The following DNAH10 variants were observed in gnomAD, a reference collection of about 807,000 sequenced individuals.
DNAH10 encodes axonemal beta dynein heavy chain 10.
DNAH10 carries 348 observed loss-of-function variants against 506.6 expected under a neutral mutation model. That is an observed-to-expected ratio of 0.69 (90% confidence interval 0.63 to 0.75). The LOEUF is 0.75. DNAH10 is among the 30% of genes least tolerant of loss of function. DNAH10 has a pLI of 0.00. For synonymous variants in DNAH10, 2,059 were observed against 2,198.6 expected (o/e 0.94, Z 1.78); for missense variants, 5,179 against 5,787.1 (o/e 0.89, Z 3.41).
Position 123,925,105 on chromosome 12 carries a change from A to T in DNAH10, c.11822A>T (p.Asn3941Ile), listed in dbSNP as rs769149268. The change falls in exon 68 of 79, where the codon AAC becomes ATC. Residue 3941 changes from asparagine to isoleucine, a missense_variant. Transcript: ENST00000673944. This position sits in a 1 kb window ranked among gnomAD's most constrained non-coding sequence, Gnocchi z 4.0. ...CCCGTCCCCTTGGGTTACGATAACA[A>T]CATCACCCCTTTCCAGAAGTTGCTT... is the stretch of plus-strand genomic sequence containing the variant. ...QFPVPLGYDN[N>I]ITPFQKLLIL... The T allele has an allele frequency of 3.7e-6, 6 of 1,613,936 alleles. No individual in the cohort carries two copies. The African/African-American group carries it at 5.3e-5, about 14-fold the overall frequency.
intron 45 of DNAH10, among the ~76,000 whole-genome samples, chr12:123,872,274 C>T (rs1337669849): frequency 2.0e-5 from 3 of 152,134 alleles, no homozygotes. Flanking sequence ...TGATAGTGAA[C>T]AAGCTGTCAA....
rs112508576 is a variant in DNAH10 at position 123,841,175 on chromosome 12, T to C, written c.5137-147T>C. 1.7e-4 allele frequency: 132 copies of C among 769,994 alleles called. No homozygotes were observed. In the African/African-American group the frequency reaches 2.0e-3, roughly 11 times the overall value. 47.7% of individuals were successfully genotyped at this position (769,994 alleles called of 1,614,324 possible). A position where few individuals can be genotyped will look rare whatever the true frequency, so the allele number is the denominator to read the frequency against. ...TCTTTGGGATGACCACACAGGTGGG[T>C]GAACGACATCCATCTTGCCTGCGAT... On this transcript the variant is annotated intron_variant, in intron 29 of 78. Coordinates refer to ENST00000673944, the MANE Select transcript of DNAH10 (RefSeq NM_001372106.1).
rs749782481 is a variant in DNAH10, at chr12:123,826,897, A to G, written c.4390A>G (p.Arg1464Gly). ...LDLKNEALRD[R>G]HWKELMEKTS... ...CTTGAAAAACGAGGCACTAAGAGAC[A>G]GGTTTGTTTTGTCCTCTGTCCGCAG... The change falls in exon 25 of 79, where the codon AGG (arginine) becomes GGG (glycine). Residue 1464 changes from arginine (R) to glycine (G), a missense_variant and splice_region_variant. By Grantham distance (125) the Arg-to-Gly change is moderately radical. Around this residue, in one of 3 missense-constraint regions of DNAH10, gnomAD observed 4,844 missense variants for 5,430.5 expected, o/e 0.89. Transcript: ENST00000673944. 6.2e-6 allele frequency: 10 copies of G among 1,610,854 alleles called. No homozygotes were observed. The highest frequency in any genetic ancestry group is 3.3e-4 in the Middle Eastern group (2 of 6,008).
intron 44 of DNAH10, among the ~76,000 whole-genome samples, 164 bp from the exon 45 acceptor site, chr12:123,871,293 C>A (rs1191476648): frequency 6.6e-6 from 1 of 152,182 alleles, no homozygotes; most frequent in Non-Finnish European, 1.5e-5. Flanking sequence ...GTGCCAAAGT[C>A]AATCAGTTAT....
rs1359393680 is a variant in DNAH10, at chr12:123,933,450, C to T, written c.13416C>T (p.Thr4472=). 16 of 1,612,642 alleles carry T rather than the reference C, an allele frequency of 9.9e-6. No homozygotes were observed. Among genetic ancestry groups the T allele is most frequent in the Non-Finnish European group, 1.2e-5 (14 of 1,179,652 alleles). The change falls in exon 77 of 79, where the codon ACC becomes ACT. Residue 4472 remains threonine, a synonymous_variant. Coordinates refer to ENST00000673944, the MANE Select transcript of DNAH10 (RefSeq NM_001372106.1). ...RKNGWPLDRS[T]LFTQVTKFQD... is the part of the protein sequence containing the mutation. The stretch of plus-strand genomic sequence containing the variant: ...ACGGCTGGCCACTGGACCGCTCCAC[C>T]TTGTTCACACAAGTGACCAAGTTCC...
At chr12:123,788,136 C>A (rs1957935374) in intron 10 of DNAH10, 134 bp downstream of exon 10, 1 of 1,042,890 alleles carries the variant, frequency 9.6e-7, no homozygotes, top group Non-Finnish European at 1.4e-6. Context: ...AAAGAAAGAA[C>A]CTACGGAATA....
intron 32 of DNAH10, among the ~76,000 whole-genome samples, chr12:123,847,512 G>T (rs1372644857): frequency 6.6e-6 from 1 of 151,930 alleles, no homozygotes; most frequent in Non-Finnish European, 1.5e-5. Context: ...TCGTGTCTGG[G>T]TCTGAGGGCC....
intron 2 of DNAH10, 48 bp downstream of exon 2, chr12:123,767,737 C>A: frequency 6.5e-7 from 1 of 1,535,404 alleles, no homozygotes; most frequent in African/African-American, 1.4e-5. Flanking sequence ...AGAAAGCCCC[C>A]CCGCAGCGGG....
At chr12:123,858,612 C>T (rs971635504) in intron 37 of DNAH10, among the ~76,000 whole-genome samples, 3 of 152,134 alleles carry the variant, frequency 2.0e-5, no homozygotes, top group East Asian at 3.8e-4. Flanking sequence ...GACGAACGTC[C>T]GCTCAGAATT....
chr12:123,932,085 C>T lies in DNAH10; in HGVS notation c.13273C>T (p.Arg4425Trp), dbSNP rs1555262285. 5.0e-6 allele frequency: 8 copies of T among 1,613,852 alleles called. No individual in the cohort carries two copies. Among genetic ancestry groups the T allele is most frequent in the South Asian group, 3.3e-5 (3 of 91,076 alleles). ...LGNWMVYFLR[R>W]FSQYMLWVTE... ...AAACTGGATGGTCTACTTCCTGCGG[C>T]GGTTCAGCCAGTACATGTTGTGGGT... The change falls in exon 76 of 79, where the codon CGG (arginine) becomes TGG (tryptophan). Residue 4425 changes from arginine (R) to tryptophan (W), a missense_variant. Arg to Trp is a moderately radical substitution (Grantham distance 101, BLOSUM62 -3). This residue lies in a region of DNAH10 where 4,844 missense variants were observed against 5,430.5 expected (regional missense o/e 0.89). Coordinates refer to ENST00000673944, the MANE Select transcript of DNAH10 (RefSeq NM_001372106.1).
intron 77 of DNAH10, 156 bp from the exon 78 acceptor site, chr12:123,934,465 G>A (rs1470125083): frequency 1.1e-6 from 1 of 918,288 alleles, no homozygotes; most frequent in South Asian, 1.4e-5. Context: ...AGGTGGGCAG[G>A]ACAGAAATGC....
chr12:123,799,554 G>A (rs547362286), intron 14 of DNAH10, among the ~76,000 whole-genome samples, 183 bp downstream of exon 14: 2 of 152,268 alleles, frequency 1.3e-5, no homozygotes, highest in African/African-American at 4.8e-5. Flanking sequence ...TGGCTAGGAC[G>A]CGGGCTGGAA....
At chr12:123,891,092 C>T (rs925785461) in intron 52 of DNAH10, among the ~76,000 whole-genome samples, 1 of 152,066 alleles carries the variant, frequency 6.6e-6, no homozygotes, top group Non-Finnish European at 1.5e-5. Flanking sequence ...AGAGCCCGTT[C>T]CTTCTGAGCT....
At chr12:123,899,764 A>G (rs1463909665) in intron 56 of DNAH10, among the ~76,000 whole-genome samples, 1 of 152,254 alleles carries the variant, frequency 6.6e-6, no homozygotes, top group Admixed American at 6.5e-5. Flanking sequence ...GCCCGAGCCC[A>G]GATCCCTGAG....
In DNAH10 at chr12:123,845,572, G is replaced by A. The variant is rs373156208; in HGVS notation, c.5361-28G>A. On this transcript the variant is annotated intron_variant, in intron 30 of 78. Coordinates refer to ENST00000673944, the MANE Select transcript of DNAH10 (RefSeq NM_001372106.1). ...GGTACCAGTCCCCGGATTGATCAGAGCCTCTTACAGGTGTGCGTTTTCTGC... is the reference window on the plus strand; with the variant it reads ...GGTACCAGTCCCCGGATTGATCAGAACCTCTTACAGGTGTGCGTTTTCTGC... 10 of 1,608,452 alleles carry A rather than the reference G, an allele frequency of 6.2e-6. No homozygotes were observed. In the African/African-American group the frequency reaches 1.3e-4, roughly 21 times the overall value.
intron 24 of DNAH10, among the ~76,000 whole-genome samples, chr12:123,821,937 T>C (rs1959452358): frequency 6.6e-6 from 1 of 151,654 alleles, no homozygotes; most frequent in Non-Finnish European, 1.5e-5. Context: ...CCGGGCACAG[T>C]GGCTCACACC....
intron 24 of DNAH10, 85 bp downstream of exon 24, chr12:123,820,843 C>A: frequency 6.9e-7 from 1 of 1,446,564 alleles, no homozygotes; most frequent in Non-Finnish European, 9.5e-7. Context: ...TTGATGCCAC[C>A]ATAATAATGA....
rs200881885 is a variant in DNAH10, at chr12:123,848,765, C to T, written c.5985C>T (p.Cys1995=). ...AGATTTTCTCTGGCCTGGCACAGTG[C>T]GGGGCTTGGGGCTGCTTTGATGAGT... ...VGKIFSGLAQ[C]GAWGCFDEFN... is the part of the protein sequence containing the mutation. Residue 1995 remains cysteine (C), a synonymous_variant, in exon 34 of 79, where the codon TGC becomes TGT. Coordinates refer to ENST00000673944, the MANE Select transcript of DNAH10 (RefSeq NM_001372106.1). 1.3e-4 allele frequency: 206 copies of T among 1,613,934 alleles called. No homozygotes were observed. The African/African-American group carries it at 1.7e-3, about 14-fold the overall frequency.
chr12:123,818,726 C>T (rs1959187359), intron 21 of DNAH10, among the ~76,000 whole-genome samples: 1 of 152,164 alleles, frequency 6.6e-6, no homozygotes, highest in African/African-American at 2.4e-5. Context: ...AAGGGATCCT[C>T]CTGCCTCAGC....
Sources: allele counts gnomAD v4.1 joint callset (sites outside exome capture counted in the v4.1 genomes callset), GRCh38; gene constraint gnomAD v4.1.1; regional missense constraint gnomAD v4.1.1; non-coding constraint Gnocchi (gnomAD v3.1); transcripts MANE v1.5; gene names NCBI Gene and HGNC (gene_info 2026-07-23, HGNC 2026-07-21).